FSTL5: variants seen among roughly 807,000 people sequenced by gnomAD.
FSTL5 encodes follistatin like 5, also known as follistatin-related protein 5.
Under a neutral mutation model 89.1 loss-of-function variants are expected in FSTL5, and 62 were observed. The observed-to-expected ratio is 0.70, with a 90% CI of 0.57 to 0.86. FSTL5 has a LOEUF of 0.86. Ranked by LOEUF, FSTL5 falls within the 40% of genes least tolerant of loss-of-function variation. The pLI is 0.00. For synonymous variants in FSTL5, 383 were observed against 346.2 expected (o/e 1.11, Z -1.18); for missense variants, 1,057 against 1,001.6 (o/e 1.06, Z -0.75).
chr4:162,045,934 T>C (rs892297355), intron 2 of FSTL5, among the ~76,000 whole-genome samples: 5 of 150,212 alleles, frequency 3.3e-5, no homozygotes, highest in African/African-American at 1.2e-4. Flanking sequence ...TTTACGAGTT[T>C]TTTAAGAGGA....
At chr4:161,997,840 G>A (rs1163595778) in intron 3 of FSTL5, among the ~76,000 whole-genome samples, 2 of 152,014 alleles carry the variant, frequency 1.3e-5, no homozygotes, top group African/African-American at 4.8e-5. Context: ...TCCTGACCTC[G>A]TGATCCGCCC....
intron 1 of FSTL5, among the ~76,000 whole-genome samples, chr4:162,143,950 C>A (rs1452447128): frequency 6.6e-6 from 1 of 152,066 alleles, no homozygotes; most frequent in Non-Finnish European, 1.5e-5. Flanking sequence ...CATGATAATG[C>A]ATATTTTAGA....
At chr4:162,113,845 T>G (rs1316405587) in intron 1 of FSTL5, among the ~76,000 whole-genome samples, 1 of 152,190 alleles carries the variant, frequency 6.6e-6, no homozygotes, top group Non-Finnish European at 1.5e-5. Flanking sequence ...AGATCAGTTT[T>G]CCTTCATTTC....
chr4:161,688,871 G>A (rs1255027360), intron 6 of FSTL5, among the ~76,000 whole-genome samples: 5 of 151,910 alleles, frequency 3.3e-5, no homozygotes, highest in Admixed American at 2.0e-4. Context: ...TGGAATTTTA[G>A]GTTTTCTAAA....
At chr4:161,450,857 C>A (rs1034766889) in intron 15 of FSTL5, among the ~76,000 whole-genome samples, 2 of 151,602 alleles carry the variant, frequency 1.3e-5, no homozygotes, top group Admixed American at 1.3e-4. Context: ...CATTCTCCTG[C>A]CTCTGCCTCC....
At chr4:162,014,835 T>C (rs1736869356) in intron 3 of FSTL5, among the ~76,000 whole-genome samples, 2 of 152,130 alleles carry the variant, frequency 1.3e-5, no homozygotes, top group South Asian at 4.1e-4. Flanking sequence ...GAGACTAACT[T>C]TATAAACACG....
At chr4:161,694,771 T>A (rs1331013881) in intron 6 of FSTL5, among the ~76,000 whole-genome samples, 10 of 151,274 alleles carry the variant, frequency 6.6e-5, no homozygotes, top group Non-Finnish European at 1.5e-4. Flanking sequence ...TTTTCTCTAT[T>A]CCCAGGGATT....
intron 2 of FSTL5, among the ~76,000 whole-genome samples, chr4:162,078,245 T>G (rs376341483): frequency 4.6e-5 from 7 of 151,854 alleles, no homozygotes; most frequent in Admixed American, 6.6e-5. Context: ...AAGTGCCGCA[T>G]GTACTGCTAT....
intron 15 of FSTL5, among the ~76,000 whole-genome samples, chr4:161,432,693 GA>G (rs148516896): frequency 4.4e-4 from 66 of 148,826 alleles, no homozygotes; most frequent in South Asian, 1.9e-3. Flanking sequence ...CCAGATTAGG[GA>G]AAAAAAAAGA....
intron 2 of FSTL5, among the ~76,000 whole-genome samples, chr4:162,071,037 A>G (rs1481577165): frequency 6.6e-6 from 1 of 151,760 alleles, no homozygotes; most frequent in Non-Finnish European, 1.5e-5. Context: ...ATAGAAATCC[A>G]TCAACCCACA....
At chr4:161,449,718 G>GTTA (rs1354630018) in intron 15 of FSTL5, among the ~76,000 whole-genome samples, 2 of 152,062 alleles carry the variant, frequency 1.3e-5, no homozygotes, top group Non-Finnish European at 2.9e-5. Context: ...CAAAGTGCAG[G>GTTA]TTATACATAA....
At chr4:161,976,638 C>T (rs1259872767) in intron 3 of FSTL5, among the ~76,000 whole-genome samples, 14 of 152,166 alleles carry the variant, frequency 9.2e-5, no homozygotes, top group Admixed American at 4.6e-4. Flanking sequence ...CCCGCCACCA[C>T]GCCTGGCTAA....
At chr4:162,135,260 T>G (rs951699975) in intron 1 of FSTL5, among the ~76,000 whole-genome samples, 1 of 152,110 alleles carries the variant, frequency 6.6e-6, no homozygotes, top group Non-Finnish European at 1.5e-5. Flanking sequence ...TACCTCAATT[T>G]TATTTATATT....
At chr4:161,770,605 A>G (rs1298033079) in intron 5 of FSTL5, among the ~76,000 whole-genome samples, 1 of 151,982 alleles carries the variant, frequency 6.6e-6, no homozygotes, top group African/African-American at 2.4e-5. Flanking sequence ...ATGAAAATAT[A>G]TTGTTTCTTT....
intron 6 of FSTL5, among the ~76,000 whole-genome samples, chr4:161,747,070 T>C (rs756666413): frequency 2.1e-4 from 32 of 152,240 alleles, no homozygotes; most frequent in Admixed American, 4.6e-4. Flanking sequence ...AATTGCCTTT[T>C]ACTGTTTAAT....
intron 8 of FSTL5, among the ~76,000 whole-genome samples, 174 bp downstream of exon 8, chr4:161,587,281 A>T: frequency 6.6e-6 from 1 of 151,574 alleles, no homozygotes; most frequent in East Asian, 1.9e-4. Context: ...GTGCTTATTT[A>T]CTTGGAAATT....
chr4:161,459,600 T>C (rs1418169776), intron 13 of FSTL5, among the ~76,000 whole-genome samples: 2 of 152,130 alleles, frequency 1.3e-5, no homozygotes, highest in Admixed American at 6.5e-5. Context: ...TTTGCACAAC[T>C]GTACACAGCT....
intron 3 of FSTL5, among the ~76,000 whole-genome samples, chr4:161,999,833 C>A (rs1408251688): frequency 6.6e-6 from 1 of 152,204 alleles, no homozygotes; most frequent in Non-Finnish European, 1.5e-5. Context: ...GGACAATTCA[C>A]ATGAAAACCA....
intron 6 of FSTL5, among the ~76,000 whole-genome samples, chr4:161,731,380 G>C (rs1220130369): frequency 6.6e-6 from 1 of 152,072 alleles, no homozygotes; most frequent in African/African-American, 2.4e-5. Context: ...GGCCTAATGG[G>C]AGGTGATTGG....
Sources: allele counts gnomAD v4.1 joint callset (sites outside exome capture counted in the v4.1 genomes callset), GRCh38; gene constraint gnomAD v4.1.1; transcripts MANE v1.5; gene names NCBI Gene and HGNC (gene_info 2026-07-23, HGNC 2026-07-21).